HIVEP3: variants seen among roughly 807,000 people sequenced by gnomAD.
HIVEP3 encodes the protein transcription factor HIVEP3.
In HIVEP3, 49 loss-of-function variants were observed where a neutral mutation model predicts 152.8. The ratio of observed to expected loss-of-function variants is 0.32; its 90% CI spans 0.26 to 0.41. The LOEUF (loss-of-function observed/expected upper bound fraction) is 0.41. Among genes scored for constraint, HIVEP3 ranks in the 10% least tolerant of loss-of-function variants. HIVEP3 has a pLI of 1.00. For synonymous variants in HIVEP3, 1,269 were observed against 1,289.0 expected, an observed-to-expected ratio of 0.98 and a Z score of 0.33; for missense variants, 2,790 against 3,103.3, an observed-to-expected ratio of 0.90 and a Z score of 2.40.
In HIVEP3 at chr1:41,899,795, C is replaced by T. The variant is rs116832689; in HGVS notation, c.-801+18618G>A. On this transcript the variant is annotated intron_variant, in intron 1 of 8. Transcript: ENST00000372583. ...GTAGCTCTATGAAGTACTATTATTACCCCCCAGCTTATAAGATAGGAAACT... is the reference window on the plus strand; with the variant it reads ...GTAGCTCTATGAAGTACTATTATTATCCCCCAGCTTATAAGATAGGAAACT... 9.4e-3 allele frequency among the ~76,000 whole-genome samples: 1,434 copies of T among 152,220 alleles called. 21 individuals are homozygous for T. Among genetic ancestry groups the T allele is most frequent in the African/African-American group, 0.033 (1,376 of 41,530 alleles).
intron 1 of HIVEP3, among the ~76,000 whole-genome samples, chr1:41,708,687 G>A (rs1210738156): frequency 6.6e-6 from 1 of 152,162 alleles, no homozygotes; most frequent in Admixed American, 6.5e-5. Flanking sequence ...TCTCAAGTCA[G>A]CTTCTGTTGC....
chr1:41,650,679 T>A (rs1645535338), intron 2 of HIVEP3, among the ~76,000 whole-genome samples: 1 of 152,070 alleles, frequency 6.6e-6, no homozygotes, highest in Non-Finnish European at 1.5e-5. Flanking sequence ...CTGGGCTTGT[T>A]CCCAGGCTGT....
chr1:41,925,073 C>T (rs1007951080), intron 1 of HIVEP3, among the ~76,000 whole-genome samples: 3 of 152,146 alleles, frequency 2.0e-5, no homozygotes, highest in Non-Finnish European at 4.4e-5. Flanking sequence ...TACAGCCCTT[C>T]GTGCAGGCTA....
intron 1 of HIVEP3, among the ~76,000 whole-genome samples, chr1:41,809,365 A>G (rs1432683575): frequency 6.6e-6 from 1 of 152,220 alleles, no homozygotes; most frequent in Non-Finnish European, 1.5e-5. Flanking sequence ...GTGGTACCAA[A>G]GACACGGTCT....
chr1:42,005,307 T>A (rs960823086), intron 1 of HIVEP3, among the ~76,000 whole-genome samples: 2 of 152,122 alleles, frequency 1.3e-5, no homozygotes, highest in Admixed American at 1.3e-4. Flanking sequence ...GCCCAGCACA[T>A]AGTAGGTGTA....
intron 5 of HIVEP3, among the ~76,000 whole-genome samples, chr1:41,557,412 C>A (rs114194463): frequency 2.6e-5 from 4 of 151,974 alleles, no homozygotes; most frequent in African/African-American, 9.7e-5. Flanking sequence ...GGTATGGGTG[C>A]GGAGGGAGAT....
intron 2 of HIVEP3, among the ~76,000 whole-genome samples, chr1:41,679,368 C>T (rs1323161628): frequency 6.6e-6 from 1 of 152,196 alleles, no homozygotes; most frequent in Admixed American, 6.5e-5. Context: ...TTGTCAGAAT[C>T]CAAATCCAGC....
chr1:41,919,154 G>T (rs1442811325), upstream of HIVEP3, among the ~76,000 whole-genome samples: 3 of 152,228 alleles, frequency 2.0e-5, no homozygotes, highest in Middle Eastern at 3.4e-3. Context: ...TATACGTGGA[G>T]AGAAAAAATG....
At chr1:41,696,673 C>T (rs914928630) in intron 2 of HIVEP3, among the ~76,000 whole-genome samples, 1 of 152,102 alleles carries the variant, frequency 6.6e-6, no homozygotes, top group African/African-American at 2.4e-5. Flanking sequence ...AGCACAGAGA[C>T]AGACGGCCCT....
chr1:41,658,740 G>A (rs1334924764), intron 2 of HIVEP3, among the ~76,000 whole-genome samples: 2 of 152,214 alleles, frequency 1.3e-5, no homozygotes, highest in East Asian at 1.9e-4. Flanking sequence ...AGTCCACAGA[G>A]TGAACAGGAT....
At chr1:41,569,854 A>T (rs1043505586) in intron 5 of HIVEP3, among the ~76,000 whole-genome samples, 3 of 152,212 alleles carry the variant, frequency 2.0e-5, no homozygotes, top group Admixed American at 6.5e-5. Flanking sequence ...ATGAGATAGA[A>T]AAGTACACTC....
At chr1:41,926,694 CT>C (rs11315300) in intron 1 of HIVEP3, among the ~76,000 whole-genome samples, 5,574 of 152,170 alleles carry the variant, frequency 0.037, 317 homozygotes, top group African/African-American at 0.13. Context: ...TTAAGTACCC[CT>C]ATTAGTGCCT....
intron 1 of HIVEP3, among the ~76,000 whole-genome samples, chr1:41,980,076 T>A (rs1025357112): frequency 6.6e-6 from 1 of 152,174 alleles, no homozygotes; most frequent in African/African-American, 2.4e-5. Flanking sequence ...ATTGGAAGGA[T>A]GTGGAGAAAC....
chr1:41,851,221 C>CTA (rs965720997), intron 1 of HIVEP3, among the ~76,000 whole-genome samples: 9 of 147,854 alleles, frequency 6.1e-5, no homozygotes, highest in African/African-American at 2.2e-4. Flanking sequence ...AGCAGATTCT[C>CTA]TATACATATC....
At chr1:41,903,853 A>G (rs1421040408) in intron 1 of HIVEP3, among the ~76,000 whole-genome samples, 1 of 150,326 alleles carries the variant, frequency 6.7e-6, no homozygotes. Flanking sequence ...CCTACTGACC[A>G]TTTCCTGCCC....
At chr1:41,779,123 T>C (rs1321850517) in intron 1 of HIVEP3, among the ~76,000 whole-genome samples, 2 of 152,232 alleles carry the variant, frequency 1.3e-5, no homozygotes, top group African/African-American at 4.8e-5. Context: ...CCCAAGATGG[T>C]GCCCACCTGC....
intron 1 of HIVEP3, among the ~76,000 whole-genome samples, chr1:41,756,767 T>C (rs6600389): frequency 0.83 from 126,697 of 152,130 alleles, 55,683 homozygotes; most frequent in Non-Finnish European, 0.98. Context: ...AAAAGTTATA[T>C]GAATATATAG....
At chr1:41,654,471 A>G (rs1346146219) in intron 2 of HIVEP3, among the ~76,000 whole-genome samples, 2 of 152,226 alleles carry the variant, frequency 1.3e-5, no homozygotes, top group African/African-American at 4.8e-5. Context: ...TTTAAATAAA[A>G]TGTTCATTTT....
chr1:41,622,531 A>T (rs1645061222), intron 3 of HIVEP3, among the ~76,000 whole-genome samples: 1 of 152,310 alleles, frequency 6.6e-6, no homozygotes, highest in African/African-American at 2.4e-5. Flanking sequence ...TTACTGGAAC[A>T]CAACCACGCC....
Sources: allele counts gnomAD v4.1 joint callset (sites outside exome capture counted in the v4.1 genomes callset), GRCh38; gene constraint gnomAD v4.1.1; transcripts MANE v1.5; gene names NCBI Gene and HGNC (gene_info 2026-07-23, HGNC 2026-07-21).